GINS2: variants seen among roughly 807,000 people sequenced by gnomAD.
The protein encoded by GINS2 is GINS complex subunit 2, also known as DNA replication complex GINS protein PSF2.
Under a neutral mutation model 21.2 loss-of-function variants are expected in GINS2, and 23 were observed. That is an observed-to-expected ratio of 1.08 (90% CI 0.78 to 1.53). GINS2 has a LOEUF of 1.53. Among genes scored for constraint, GINS2 ranks in the 40% most tolerant of loss-of-function variants. The pLI, the probability that GINS2 is intolerant of heterozygous loss-of-function variation, is 0.00. For missense variants in GINS2, 323 were observed against 233.9 expected (o/e 1.38, Z -2.49); for synonymous variants, 118 against 85.6 (o/e 1.38, Z -2.09).
At chr16:85,681,427 AT>A (rs2053731330) in intron 3 of GINS2, among the ~76,000 whole-genome samples, 154 bp downstream of exon 3, 1 of 152,234 alleles carries the variant, frequency 6.6e-6, no homozygotes, top group South Asian at 2.1e-4. Context: ...GTGTACACAG[AT>A]GACCTCATGG....
At position 85,678,241 on chromosome 16, in the gene GINS2, G is replaced by C. The variant is rs769495612; in HGVS notation, c.529C>G (p.Leu177Val). 1.1e-5 allele frequency: 18 copies of C among 1,613,800 alleles called. No homozygotes were observed. The highest frequency in any genetic ancestry group is 6.7e-5 in the East Asian group (3 of 44,878). ...MYKLRTNLQP[L>V]ESTQSQDF ...AAGTCCTGAGACTGAGTACTCTCCA[G>C]AGGCTGGAGGTTCGTGCGGAGTTTG... Residue 177 changes from leucine to valine, a missense_variant, in exon 5 of 5, where the codon CTG becomes GTG. Physicochemically the swap from Leu to Val is conservative, Grantham distance 32 (BLOSUM62 1). Transcript: ENST00000253462.
chr16:85,682,292 G>C (rs184824511), intron 2 of GINS2, among the ~76,000 whole-genome samples: 9 of 152,120 alleles, frequency 5.9e-5, no homozygotes, highest in Non-Finnish European at 1.0e-4. Context: ...TGGGATTATA[G>C]GAGTGAGTCA....
intron 4 of GINS2, 49 bp downstream of exon 4, chr16:85,678,491 A>T (rs1329287068): frequency 6.2e-7 from 1 of 1,600,378 alleles, no homozygotes; most frequent in Admixed American, 1.7e-5. Context: ...GAGCCATGTG[A>T]AATTATGCGG....
intron 2 of GINS2, among the ~76,000 whole-genome samples, chr16:85,682,428 G>T (rs2053741632): frequency 6.6e-6 from 1 of 151,942 alleles, no homozygotes; most frequent in African/African-American, 2.4e-5. Context: ...CCCCAGCCTG[G>T]GCGCGATACA....
chr16:85,685,547 T>A (rs1048658561), intron 2 of GINS2, among the ~76,000 whole-genome samples: 10 of 151,396 alleles, frequency 6.6e-5, no homozygotes, highest in African/African-American at 2.4e-4. Context: ...GGTGCACACC[T>A]GTAGTCTCAG....
At chr16:85,685,817 G>A (rs973093627) in intron 2 of GINS2, among the ~76,000 whole-genome samples, 48 of 151,874 alleles carry the variant, frequency 3.2e-4, no homozygotes, top group African/African-American at 1.2e-3. Flanking sequence ...CCCCAGAGTG[G>A]CTGGCTCAAT....
chr16:85,676,441 G>C lies in GINS2; in HGVS notation c.*1771C>G, dbSNP rs2053670085. 1 of 152,214 alleles carries C rather than the reference G, an allele frequency of 6.6e-6. No individual in the cohort carries two copies. Among genetic ancestry groups the C allele is most frequent in the South Asian group, 2.1e-4 (1 of 4,818 alleles). 9.4% of individuals were successfully genotyped at this position (152,214 alleles called of 1,614,324 possible). A position where few individuals can be genotyped will look rare whatever the true frequency, so the allele number is the denominator to read the frequency against. Reference sequence around the variant, plus strand: ...AAGTCCTATGAGCTGAACCAAGTCTGAACAGCACCTTAAATTATGGAGACC... The same window carrying C: ...AAGTCCTATGAGCTGAACCAAGTCTCAACAGCACCTTAAATTATGGAGACC... On this transcript the variant is annotated 3_prime_UTR_variant, in exon 5 of 5. Transcript: ENST00000253462.
intron 2 of GINS2, among the ~76,000 whole-genome samples, chr16:85,684,881 G>A (rs1207257477): frequency 4.6e-5 from 7 of 151,788 alleles, no homozygotes. Context: ...TCCACCTCCT[G>A]GATTCAAGCA....
intron 2 of GINS2, among the ~76,000 whole-genome samples, chr16:85,687,075 G>T (rs1315554724): frequency 6.6e-6 from 1 of 152,212 alleles, no homozygotes; most frequent in South Asian, 2.1e-4. Context: ...GCAAAAATTT[G>T]CAGGGTGTGG....
At chr16:85,685,053 T>C (rs2053763311) in intron 2 of GINS2, among the ~76,000 whole-genome samples, 1 of 151,958 alleles carries the variant, frequency 6.6e-6, no homozygotes, top group African/African-American at 2.4e-5. Context: ...CCTCCCAAAG[T>C]GCTGGGATTA....
rs1268732570 is a variant in GINS2 at position 85,676,378 on chromosome 16, A to C, written c.*1834T>G. On this transcript the variant is annotated 3_prime_UTR_variant, in exon 5 of 5. Transcript: ENST00000253462. ...TTCATTCTAAAAGATCCCCAGATGA[A>C]AGCAGGAGGATTCCAAGGAAGGCTG... The C allele has an allele frequency of 1.3e-5, 2 of 152,246 alleles. No individual in the cohort carries two copies. Among genetic ancestry groups the C allele is most frequent in the Non-Finnish European group, 2.9e-5 (2 of 68,048 alleles). The allele number at this position is 152,246 out of a possible 1,614,324, so 9.4% of individuals were successfully genotyped here.
intron 3 of GINS2, among the ~76,000 whole-genome samples, 180 bp downstream of exon 3, chr16:85,681,402 G>A (rs1325446324): frequency 1.3e-5 from 2 of 152,232 alleles, no homozygotes; most frequent in African/African-American, 2.4e-5. Flanking sequence ...CAGACAGAGT[G>A]CACCTGGCAG....
intron 2 of GINS2, among the ~76,000 whole-genome samples, chr16:85,686,215 C>G (rs1208419946): frequency 1.3e-5 from 2 of 152,084 alleles, no homozygotes. Context: ...GAGATTGAGA[C>G]CAACCTGGCT....
At position 85,678,051 on chromosome 16, in the gene GINS2, A is replaced by T. The variant is rs370792724; in HGVS notation, c.*161T>A. The T allele has an allele frequency of 1.7e-5, 11 of 652,444 alleles. No homozygotes were observed. The East Asian group carries it at 3.0e-4, about 18-fold the overall frequency. The allele number at this position is 652,444 out of a possible 1,614,324, so 40.4% of individuals were successfully genotyped here. ...CCCAGGGAGCTAAGTTTTAAGGACT[A>T]ATCACAAACTTGTTTCTCCAACAAC... On this transcript the variant is annotated 3_prime_UTR_variant, in exon 5 of 5. Transcript: ENST00000253462.
rs1217372311 is a variant in GINS2, at chr16:85,676,964, A to C, written c.*1248T>G. On this transcript the variant is annotated 3_prime_UTR_variant, in exon 5 of 5. Transcript: ENST00000253462. ...ACTACAACCTCCGCCTCTCGGGTTC[A>C]AGCGATTCTCCTGCCTCAGCCTCCC... 1 of 152,306 alleles carries C rather than the reference A, an allele frequency of 6.6e-6. No individual in the cohort carries two copies. The highest frequency in any genetic ancestry group is 1.5e-5 in the Non-Finnish European group (1 of 68,122). 9.4% of individuals were successfully genotyped at this position (152,306 alleles called of 1,614,324 possible). A position where few individuals can be genotyped will look rare whatever the true frequency, so the allele number is the denominator to read the frequency against.
At chr16:85,680,466 A>G (rs907623803) in intron 3 of GINS2, among the ~76,000 whole-genome samples, 19 of 152,152 alleles carry the variant, frequency 1.2e-4, no homozygotes, top group African/African-American at 4.3e-4. Flanking sequence ...TGACATTCTA[A>G]GTATCTCCCA....
At chr16:85,678,415 A>G (rs2053703664) in intron 4 of GINS2, 78 bp from the exon 5 acceptor site, 1 of 1,570,776 alleles carries the variant, frequency 6.4e-7, no homozygotes, top group East Asian at 2.2e-5. Context: ...GAATAAAAAT[A>G]AGAAACCAAT....
chr16:85,687,761 C>T (rs758646424), intron 1 of GINS2, 187 bp from the exon 2 acceptor site: 19 of 482,164 alleles, frequency 3.9e-5, no homozygotes, highest in Non-Finnish European at 6.2e-5. Context: ...CACCTGCGAG[C>T]GTGGGGCTCA....
chr16:85,682,945 C>T (rs898193681), intron 2 of GINS2, among the ~76,000 whole-genome samples: 1 of 152,204 alleles, frequency 6.6e-6, no homozygotes, highest in East Asian at 1.9e-4. Flanking sequence ...CCAGCACCGC[C>T]TCAACCCACC....
Sources: gnomAD v4.1 joint callset for allele counts (sites outside exome capture counted in the v4.1 genomes callset) on GRCh38, gnomAD v4.1.1 for gene constraint, MANE v1.5 for transcripts, NCBI Gene and HGNC (gene_info 2026-07-23, HGNC 2026-07-21) for gene names.